CRTC3: variants seen among roughly 807,000 people sequenced by gnomAD.
CRTC3 encodes the protein CREB-regulated transcription coactivator 3.
CRTC3 carries 26 observed loss-of-function variants against 74.5 expected under a neutral mutation model. The observed-to-expected ratio is 0.35, with a 90% confidence interval of 0.26 to 0.48. CRTC3 has a LOEUF of 0.48. CRTC3 is among the 20% of genes least tolerant of loss of function. The pLI, the probability that CRTC3 is intolerant of heterozygous loss-of-function variation, is 0.99. For missense variants in CRTC3, 760 were observed against 787.3 expected (o/e 0.97, Z 0.41); for synonymous variants, 377 against 325.8 (o/e 1.16, Z -1.69).
intron 2 of CRTC3, among the ~76,000 whole-genome samples, chr15:90,587,619 A>G (rs891723283): frequency 6.6e-6 from 1 of 151,842 alleles, no homozygotes; most frequent in Non-Finnish European, 1.5e-5. Flanking sequence ...TGCTTTCTGT[A>G]TTTATTTACT....
At position 90,541,782 on chromosome 15, in the gene CRTC3, C is replaced by T. The variant is rs549326653; in HGVS notation, c.231+1645C>T. 7.8e-4 allele frequency among the ~76,000 whole-genome samples: 93 copies of T among 119,986 alleles called. 1 individual carries two copies. The highest frequency in any genetic ancestry group is 5.2e-3 in the Middle Eastern group (1 of 192). The allele number at this position is 119,986 out of a possible 152,430, so 78.7% of individuals were successfully genotyped here. On this transcript the variant is annotated intron_variant, in intron 2 of 14. Coordinates refer to ENST00000268184, the MANE Select transcript of CRTC3 (RefSeq NM_022769.5). ...GATAATCCTTGGCCTTCCCAGGATTCTTTTTTTCTTTTTTTTTTTTTGAGA... is the reference window on the plus strand; with the variant it reads ...GATAATCCTTGGCCTTCCCAGGATTTTTTTTTTCTTTTTTTTTTTTTGAGA...
intron 2 of CRTC3, among the ~76,000 whole-genome samples, chr15:90,589,653 C>T (rs903725546): frequency 3.3e-5 from 5 of 152,234 alleles, no homozygotes; most frequent in African/African-American, 1.2e-4. Flanking sequence ...GCCACTACAA[C>T]CAGCCCAAAT....
At position 90,577,116 on chromosome 15, in the gene CRTC3, C is replaced by T. The variant is rs916004221; in HGVS notation, c.232-16520C>T. 3.3e-5 allele frequency among the ~76,000 whole-genome samples: 5 copies of T among 152,300 alleles called. No individual in the cohort carries two copies. In the East Asian group the frequency reaches 9.6e-4, roughly 29 times the overall value. ...TGCCATGCAGTGGCTCACACTGGCTCTCCTCTTCCCAGCTGTGGCACATCC... is the reference window on the plus strand; with the variant it reads ...TGCCATGCAGTGGCTCACACTGGCTTTCCTCTTCCCAGCTGTGGCACATCC... On this transcript the variant is annotated intron_variant, in intron 2 of 14. Transcript: ENST00000268184.
intron 11 of CRTC3, chr15:90,634,871 T>C: frequency 6.4e-7 from 1 of 1,553,548 alleles, no homozygotes; most frequent in Non-Finnish European, 8.8e-7. Flanking sequence ...TAGTCACTGT[T>C]GGATCGGGTT....
intron 3 of CRTC3, 55 bp from the exon 4 acceptor site, chr15:90,602,269 T>G (rs1423597929): frequency 9.2e-7 from 1 of 1,091,510 alleles, no homozygotes; most frequent in Non-Finnish European, 1.4e-6. Context: ...TCCACCTTGT[T>G]AATTCTGCTT....
chr15:90,589,102 G>C (rs1447640857), intron 2 of CRTC3, among the ~76,000 whole-genome samples: 3 of 152,080 alleles, frequency 2.0e-5, no homozygotes, highest in African/African-American at 7.2e-5. Flanking sequence ...TGTCACCCAG[G>C]CTGGAGTGCA....
chr15:90,563,995 A>G (rs1414271666), intron 2 of CRTC3, among the ~76,000 whole-genome samples: 2 of 152,216 alleles, frequency 1.3e-5, no homozygotes, highest in African/African-American at 4.8e-5. Flanking sequence ...TGCATCAGGC[A>G]ATATGGCTAA....
intron 2 of CRTC3, among the ~76,000 whole-genome samples, chr15:90,556,518 C>T (rs1966893265): frequency 6.6e-6 from 1 of 152,176 alleles, no homozygotes; most frequent in South Asian, 2.1e-4. Flanking sequence ...AAGTTCATGA[C>T]ATAAAGTAGT....
At chr15:90,578,741 G>A (rs1967467519) in intron 2 of CRTC3, among the ~76,000 whole-genome samples, 1 of 152,178 alleles carries the variant, frequency 6.6e-6, no homozygotes, top group Admixed American at 6.5e-5. Flanking sequence ...TGGGTCGAAG[G>A]GGAGCGAGAA....
chr15:90,545,642 T>A (rs969683483), intron 2 of CRTC3, among the ~76,000 whole-genome samples: 1 of 152,018 alleles, frequency 6.6e-6, no homozygotes, highest in East Asian at 1.9e-4. Context: ...AGTGGCACGA[T>A]CTCGGCTCAC....
chr15:90,633,781 T>C (rs1969130072), intron 11 of CRTC3, among the ~76,000 whole-genome samples: 1 of 152,268 alleles, frequency 6.6e-6, no homozygotes, highest in South Asian at 2.1e-4. Context: ...CTCTCTCCTC[T>C]TTTGCTTCTC....
At chr15:90,578,399 T>G (rs547976855) in intron 2 of CRTC3, among the ~76,000 whole-genome samples, 1 of 151,792 alleles carries the variant, frequency 6.6e-6, no homozygotes, top group African/African-American at 2.4e-5. Context: ...ATACAAAAAT[T>G]AGCGAGGCGT....
intron 14 of CRTC3, 38 bp from the exon 15 acceptor site, chr15:90,641,894 C>CT: frequency 6.3e-7 from 1 of 1,597,872 alleles, no homozygotes; most frequent in Admixed American, 1.7e-5. Context: ...TTCGCGCCTC[C>CT]TAACCGCACT....
intron 2 of CRTC3, among the ~76,000 whole-genome samples, chr15:90,591,112 G>A (rs1295544933): frequency 2.3e-5 from 3 of 129,334 alleles, no homozygotes; most frequent in African/African-American, 6.2e-5. Flanking sequence ...GCACCACCAC[G>A]CCCCACTATT....
intron 11 of CRTC3, among the ~76,000 whole-genome samples, chr15:90,637,286 C>G (rs1369752875): frequency 1.3e-5 from 2 of 152,148 alleles, no homozygotes; most frequent in African/African-American, 2.4e-5. Flanking sequence ...CCATCATTCT[C>G]AGCAAACTGT....
chr15:90,561,827 T>C (rs950250181), intron 2 of CRTC3, among the ~76,000 whole-genome samples: 1 of 152,242 alleles, frequency 6.6e-6, no homozygotes, highest in African/African-American at 2.4e-5. Context: ...TTGGTCCCTA[T>C]GTTATGAAAC....
chr15:90,614,710 A>T (rs921953211), intron 7 of CRTC3, among the ~76,000 whole-genome samples: 2 of 152,216 alleles, frequency 1.3e-5, no homozygotes, highest in Admixed American at 6.5e-5. Context: ...GTTCCTTTTT[A>T]TCTAGGTCCC....
chr15:90,531,792 A>G (rs76444532), intron 1 of CRTC3, among the ~76,000 whole-genome samples: 3,712 of 152,284 alleles, frequency 0.024, 160 homozygotes, highest in African/African-American at 0.085. Context: ...GTTTATGTAC[A>G]AATACATGCA....
intron 11 of CRTC3, among the ~76,000 whole-genome samples, chr15:90,633,768 TC>T (rs1170116502): frequency 2.0e-5 from 3 of 152,156 alleles, no homozygotes; most frequent in Non-Finnish European, 4.4e-5. Flanking sequence ...ATCCTTATCT[TC>T]TCTCTCTCCT....
Sources: gnomAD v4.1 joint callset for allele counts (sites outside exome capture counted in the v4.1 genomes callset) on GRCh38, gnomAD v4.1.1 for gene constraint, MANE v1.5 for transcripts, NCBI Gene and HGNC (gene_info 2026-07-23, HGNC 2026-07-21) for gene names.